METTL16: variants seen among roughly 807,000 people sequenced by gnomAD.
METTL16 encodes the protein methyltransferase 16, RNA N6-adenosine.
METTL16 carries 19 observed loss-of-function variants against 57.9 expected under a neutral mutation model. That is an observed-to-expected ratio of 0.33 (90% CI 0.23 to 0.48). The LOEUF (loss-of-function observed/expected upper bound fraction) is 0.48. METTL16 is among the 20% of genes least tolerant of loss of function. The pLI, the probability that METTL16 is intolerant of heterozygous loss-of-function variation, is 0.99. For missense variants in METTL16, 434 were observed against 691.5 expected, an observed-to-expected ratio of 0.63 and a Z score of 4.18; for synonymous variants, 246 against 255.6, an observed-to-expected ratio of 0.96 and a Z score of 0.36.
At position 2,496,299 on chromosome 17, in the gene METTL16, G is replaced by A. The variant is rs1052387269; in HGVS notation, c.128+5905C>T. 3.0e-4 allele frequency among the ~76,000 whole-genome samples: 46 copies of A among 151,416 alleles called. 2 individuals are homozygous for A. Among genetic ancestry groups the A allele is most frequent in the Middle Eastern group, 3.4e-3 (1 of 294 alleles). ...TATTTAAAAAAAAGTTCCAAATTAC[G>A]TCAAACAGTGTTTTTTAGAGATGGG... On this transcript the variant is annotated intron_variant, in intron 2 of 9. Transcript: ENST00000263092.
At chr17:2,497,305 CTTTTTTT>C (rs781130501) in intron 2 of METTL16, among the ~76,000 whole-genome samples, 10 of 63,784 alleles carry the variant, frequency 1.6e-4, no homozygotes, top group Admixed American at 7.5e-4. Flanking sequence ...TGCACCCGGC[CTTTTTTT>C]TTTTTTTTTT....
chr17:2,472,829 T>C lies in METTL16; in HGVS notation c.469+695A>G, dbSNP rs2067243283. Among the ~76,000 whole-genome samples, 6 of 152,228 alleles carry C rather than the reference T, an allele frequency of 3.9e-5. No homozygotes were observed. In the South Asian group the frequency reaches 1.2e-3, roughly 32 times the overall value. On this transcript the variant is annotated intron_variant, in intron 4 of 9. Transcript: ENST00000263092. ...GGAGACAGTAAAAAGGTCAGTAGTT[T>C]CCTGGGGTTGGGGGCAGTGAGAGAT...
chr17:2,506,805 G>C (rs984115737), intron 1 of METTL16, among the ~76,000 whole-genome samples: 2 of 150,906 alleles, frequency 1.3e-5, no homozygotes, highest in East Asian at 2.0e-4. Flanking sequence ...AGTGAGGAGC[G>C]TCTCTGCCCG....
intron 3 of METTL16, among the ~76,000 whole-genome samples, chr17:2,474,401 A>AG (rs1223415115): frequency 0.026 from 3,889 of 151,248 alleles, 184 homozygotes; most frequent in African/African-American, 0.09. Flanking sequence ...AAAAAAAAAA[A>AG]AAAAAAGCTA....
intron 1 of METTL16, among the ~76,000 whole-genome samples, chr17:2,511,399 C>T (rs1445806291): frequency 6.6e-6 from 1 of 152,138 alleles, no homozygotes; most frequent in East Asian, 1.9e-4. Context: ...TACATCTTCT[C>T]TCTTCGCCTT....
chr17:2,448,785 AAAAT>A (rs1315373684), intron 6 of METTL16, among the ~76,000 whole-genome samples: 24 of 102,476 alleles, frequency 2.3e-4, no homozygotes, highest in Admixed American at 6.5e-4. Context: ...AAAAAATAAA[AAAAT>A]AAAAATAAAA....
chr17:2,507,882 G>C (rs941210056), intron 1 of METTL16, among the ~76,000 whole-genome samples: 1 of 152,204 alleles, frequency 6.6e-6, no homozygotes, highest in Non-Finnish European at 1.5e-5. Context: ...TTGAATGGAT[G>C]AAGGGTGGTG....
chr17:2,416,301 T>TCC lies in METTL16; in HGVS notation c.*3667_*3668dup, dbSNP rs892927978. On this transcript the variant is annotated 3_prime_UTR_variant, in exon 10 of 10. Transcript: ENST00000263092. The stretch of plus-strand genomic sequence containing the variant: ...AGGAGCTGGTCGTGAAGTCATCAGC[T>TCC]CCCTTCTTTCAAAAGGCCTCGGATT... 6 of 152,124 alleles carry TCC rather than the reference T, an allele frequency of 3.9e-5. No individual in the cohort carries two copies. The highest frequency in any genetic ancestry group is 5.9e-5 in the Non-Finnish European group (4 of 68,006). 9.4% of individuals were successfully genotyped at this position (152,124 alleles called of 1,614,324 possible).
In METTL16 at chr17:2,441,559, T is replaced by C. The variant is rs755800829; in HGVS notation, c.729A>G (p.Arg243=). 4 of 1,556,282 alleles carry C rather than the reference T, an allele frequency of 2.6e-6. No individual in the cohort carries two copies. The highest frequency in any genetic ancestry group is 3.5e-6 in the Non-Finnish European group (4 of 1,151,434). Residue 243 remains arginine (R), a splice_region_variant and synonymous_variant, in exon 7 of 10, where the codon AGA becomes AGG. Transcript: ENST00000263092. ...TCTTTCCCAGCATGCAGCTATACCA[T>C]CTAGGAAAAAAAAAATCAGACAAGT... is the stretch of plus-strand genomic sequence containing the variant. The part of the protein sequence containing the change: ...HDSLQLKKRL[R]WYSCMLGKKC...
At chr17:2,492,417 GCAATCCTTGCCA>G (rs1233077905) in intron 2 of METTL16, among the ~76,000 whole-genome samples, 1 of 152,014 alleles carries the variant, frequency 6.6e-6, no homozygotes, top group Non-Finnish European at 1.5e-5. Context: ...TATCAGAGTA[GCAATCCTTGCCA>G]CCTTACTTAT....
intron 3 of METTL16, among the ~76,000 whole-genome samples, chr17:2,474,686 G>A (rs971756831): frequency 6.6e-6 from 1 of 152,202 alleles, no homozygotes; most frequent in African/African-American, 2.4e-5. Context: ...AGCACTTTGG[G>A]AGGCCGAGGC....
chr17:2,492,422 C>G (rs2067405388), intron 2 of METTL16, among the ~76,000 whole-genome samples: 1 of 152,040 alleles, frequency 6.6e-6, no homozygotes, highest in Non-Finnish European at 1.5e-5. Flanking sequence ...GAGTAGCAAT[C>G]CTTGCCACCT....
chr17:2,508,503 T>C (rs1043721372), intron 1 of METTL16, among the ~76,000 whole-genome samples: 1 of 152,088 alleles, frequency 6.6e-6, no homozygotes, highest in African/African-American at 2.4e-5. Flanking sequence ...TTCAACACCT[T>C]CTCCATGCTG....
intron 6 of METTL16, among the ~76,000 whole-genome samples, chr17:2,452,329 T>A (rs1038350400): frequency 2.0e-5 from 3 of 152,174 alleles, no homozygotes; most frequent in Non-Finnish European, 2.9e-5. Flanking sequence ...TCAGATTGAA[T>A]GTCATATATA....
In METTL16 at chr17:2,420,280, G is replaced by A. The variant is rs758599421; in HGVS notation, c.1379C>T (p.Pro460Leu). The change falls in exon 10 of 10, where the codon CCG becomes CTG. Residue 460 changes from proline to leucine, a missense_variant. Transcript: ENST00000263092. The surrounding 1 kb of genome is among the most constrained non-coding windows in gnomAD (Gnocchi z 5.4). ...ACTCCTTTCATCCTCCGTGGGTTCCGGGTTTTCCTCCTGGGACAGGGACTC... is the reference window on the plus strand; with the variant it reads ...ACTCCTTTCATCCTCCGTGGGTTCCAGGTTTTCCTCCTGGGACAGGGACTC... Reference protein sequence around the residue: ...SQESLSQEENPEPTEDERSEE... With the variant: ...SQESLSQEENLEPTEDERSEE... The A allele has an allele frequency of 3.5e-5, 57 of 1,613,538 alleles. No homozygotes were observed. The highest frequency in any genetic ancestry group is 8.9e-5 in the East Asian group (4 of 44,886).
intron 2 of METTL16, among the ~76,000 whole-genome samples, chr17:2,494,864 G>A (rs2151577206): frequency 6.6e-6 from 1 of 152,146 alleles, no homozygotes; most frequent in Middle Eastern, 3.4e-3. Context: ...CAGGCATGGT[G>A]GCGTGCACCT....
intron 1 of METTL16, among the ~76,000 whole-genome samples, chr17:2,507,515 C>A (rs1218498451): frequency 1.3e-5 from 2 of 149,818 alleles, no homozygotes; most frequent in South Asian, 2.1e-4. Context: ...GGGGGTCAGC[C>A]CCCCGCCCGG....
chr17:2,492,293 T>C (rs1038362153), intron 2 of METTL16, among the ~76,000 whole-genome samples: 9 of 152,172 alleles, frequency 5.9e-5, no homozygotes, highest in African/African-American at 1.4e-4. Flanking sequence ...CTGAACTAAA[T>C]TGTAGGCTGT....
chr17:2,467,835 T>A lies in METTL16; in HGVS notation c.511A>T (p.Lys171Ter). 1 of 1,614,220 alleles carries A rather than the reference T, an allele frequency of 6.2e-7. No individual in the cohort carries two copies. The highest frequency in any genetic ancestry group is 8.5e-7 in the Non-Finnish European group (1 of 1,180,026). ...PQKTLLMDAL[K>*]EESEIIYDFC... The stretch of plus-strand genomic sequence containing the variant: ...TCATAGATTATCTCAGATTCTTCTT[T>A]AAGAGCATCCATCAGGAGTGTCTTC... The change falls in exon 5 of 10, where the codon AAA becomes TAA. Residue 171 changes from lysine (K) to a stop codon, truncating the protein, a stop_gained. Coordinates refer to ENST00000263092, the MANE Select transcript of METTL16 (RefSeq NM_024086.4). LOFTEE classifies it high-confidence loss of function.
Sources: gnomAD v4.1 joint callset for allele counts (sites outside exome capture counted in the v4.1 genomes callset) on GRCh38, gnomAD v4.1.1 for gene constraint, Gnocchi (gnomAD v3.1) non-coding constraint, MANE v1.5 for transcripts, NCBI Gene and HGNC (gene_info 2026-07-23, HGNC 2026-07-21) for gene names.